OSBPL1A: variants seen among roughly 807,000 people sequenced by gnomAD.
OSBPL1A encodes oxysterol binding protein like 1A, also known as oxysterol-binding protein-related protein 1.
In OSBPL1A, 80 loss-of-function variants were observed where a neutral mutation model predicts 137.1. That is an observed-to-expected ratio of 0.58 (90% CI 0.49 to 0.70). The LOEUF (loss-of-function observed/expected upper bound fraction) is 0.70. Among genes scored for constraint, OSBPL1A ranks in the 30% least tolerant of loss-of-function variants. OSBPL1A has a pLI of 0.00. For missense variants in OSBPL1A, 970 were observed against 1,129.4 expected (o/e 0.86, Z 2.02); for synonymous variants, 365 against 389.7 (o/e 0.94, Z 0.75).
At chr18:24,355,266 G>A (rs2091513114) in intron 4 of OSBPL1A, among the ~76,000 whole-genome samples, 1 of 151,928 alleles carries the variant, frequency 6.6e-6, no homozygotes, top group African/African-American at 2.4e-5. Context: ...CACTTTGGGA[G>A]GCCGAGGCAG....
At chr18:24,367,049 A>T (rs1244090586) in intron 3 of OSBPL1A, 83 bp from the exon 4 acceptor site, 14 of 1,182,472 alleles carry the variant, frequency 1.2e-5, no homozygotes, top group Non-Finnish European at 1.4e-5. Flanking sequence ...GCCTTAAAAA[A>T]TTAAAATTGT....
intron 7 of OSBPL1A, among the ~76,000 whole-genome samples, chr18:24,328,036 CTTTTTT>C (rs10563779): frequency 1.0e-5 from 1 of 95,630 alleles, no homozygotes; most frequent in Admixed American, 1.3e-4. Context: ...AGAAATCACA[CTTTTTT>C]TTTTTTTTTT....
At chr18:24,288,002 G>T (rs1421815021) in intron 14 of OSBPL1A, among the ~76,000 whole-genome samples, 1 of 152,102 alleles carries the variant, frequency 6.6e-6, no homozygotes, top group Non-Finnish European at 1.5e-5. Flanking sequence ...ACCTTTGCTT[G>T]CTCTTTCTGT....
intron 4 of OSBPL1A, among the ~76,000 whole-genome samples, chr18:24,352,912 A>G (rs2091468076): frequency 6.6e-6 from 1 of 152,204 alleles, no homozygotes; most frequent in South Asian, 2.1e-4. Flanking sequence ...TACAAAAATT[A>G]ATTCAAGATG....
intron 17 of OSBPL1A, among the ~76,000 whole-genome samples, chr18:24,215,006 T>C (rs1031437013): frequency 2.0e-5 from 3 of 152,250 alleles, no homozygotes; most frequent in African/African-American, 7.2e-5. Flanking sequence ...TGCTTTTGAT[T>C]GCTTACCATC....
intron 22 of OSBPL1A, 114 bp downstream of exon 22, chr18:24,172,262 C>A (rs2086307034): frequency 2.6e-6 from 2 of 778,110 alleles, no homozygotes; most frequent in Admixed American, 5.0e-5. Context: ...CTTAAATTTT[C>A]ATCAGCCTGT....
intron 5 of OSBPL1A, among the ~76,000 whole-genome samples, chr18:24,338,158 T>C: frequency 6.6e-6 from 1 of 151,394 alleles, no homozygotes; most frequent in East Asian, 1.9e-4. Flanking sequence ...CTGCAACCTC[T>C]GCCTCTCGGG....
rs760114770 is a variant in OSBPL1A at position 24,162,777 on chromosome 18, C to A, written c.*402G>T. 1.3e-4 allele frequency: 21 copies of A among 162,264 alleles called. No homozygotes were observed. Among genetic ancestry groups the A allele is most frequent in the Non-Finnish European group, 1.7e-4 (13 of 75,038 alleles). The allele number at this position is 162,264 out of a possible 1,614,324, so 10.1% of individuals were successfully genotyped here. A position where few individuals can be genotyped will look rare whatever the true frequency, so the allele number is the denominator to read the frequency against. On this transcript the variant is annotated 3_prime_UTR_variant, in exon 28 of 28. Transcript: ENST00000319481. ...AGAGTTCTAAATATGTCAAAGGTTACATCTAAAACATTCAAGCATGACAGC... is the reference window on the plus strand; with the variant it reads ...AGAGTTCTAAATATGTCAAAGGTTAAATCTAAAACATTCAAGCATGACAGC...
At chr18:24,388,730 G>C (rs1907108728) in intron 1 of OSBPL1A, among the ~76,000 whole-genome samples, 1 of 149,922 alleles carries the variant, frequency 6.7e-6, no homozygotes, top group Non-Finnish European at 1.5e-5. Context: ...AACCCAGGAG[G>C]TGGAGGCTGC....
At chr18:24,255,779 T>TG (rs1479306273) in intron 15 of OSBPL1A, among the ~76,000 whole-genome samples, 1 of 130,940 alleles carries the variant, frequency 7.6e-6, no homozygotes, top group Admixed American at 7.4e-5. Flanking sequence ...TTTTTTGAGA[T>TG]GGAGTCTCGC....
At chr18:24,166,812 G>GT in intron 25 of OSBPL1A, 110 bp from the exon 26 acceptor site, 1 of 1,101,640 alleles carries the variant, frequency 9.1e-7, no homozygotes, top group Non-Finnish European at 1.3e-6. Flanking sequence ...CCCTTTCATG[G>GT]TAACAATGGT....
intron 15 of OSBPL1A, among the ~76,000 whole-genome samples, chr18:24,273,738 T>G (rs541055162): frequency 1.3e-5 from 2 of 152,202 alleles, no homozygotes; most frequent in African/African-American, 2.4e-5. Flanking sequence ...TGATACAATA[T>G]GATAAATGCT....
intron 9 of OSBPL1A, 111 bp downstream of exon 9, chr18:24,318,490 C>T (rs2090778083): frequency 3.3e-5 from 30 of 900,142 alleles, no homozygotes; most frequent in Non-Finnish European, 4.7e-5. Context: ...GATCCAAGAG[C>T]GATTAAATCA....
At chr18:24,250,218 C>T (rs1364855572) in intron 15 of OSBPL1A, among the ~76,000 whole-genome samples, 1 of 147,872 alleles carries the variant, frequency 6.8e-6, no homozygotes, top group Non-Finnish European at 1.5e-5. Flanking sequence ...ACTCCGTCGC[C>T]CAGACTGGAG....
At chr18:24,351,172 AC>A (rs1320851867) in intron 4 of OSBPL1A, among the ~76,000 whole-genome samples, 2 of 151,592 alleles carry the variant, frequency 1.3e-5, no homozygotes, top group Non-Finnish European at 2.9e-5. Context: ...ACATGGTAAA[AC>A]CCTGTCTCTA....
intron 15 of OSBPL1A, among the ~76,000 whole-genome samples, chr18:24,255,796 G>A (rs765254154): frequency 1.5e-5 from 2 of 136,696 alleles, no homozygotes; most frequent in Admixed American, 7.9e-5. Context: ...TCGCTCTCTC[G>A]CCCAGGCTGG....
At chr18:24,227,961 C>G (rs1203744916) in intron 16 of OSBPL1A, among the ~76,000 whole-genome samples, 3 of 152,114 alleles carry the variant, frequency 2.0e-5, no homozygotes, top group Non-Finnish European at 4.4e-5. Context: ...AATCATAAGG[C>G]AGGGACTTAC....
rs536410702 is a variant in OSBPL1A at position 24,163,118 on chromosome 18, T to G, written c.*61A>C. 7.6e-7 allele frequency: 1 copy of G among 1,313,682 alleles called. No individual in the cohort carries two copies. 81.4% of individuals were successfully genotyped at this position (1,313,682 alleles called of 1,614,324 possible). ...TAAGTAGAAACCAAGGGAAAAAAAT[T>G]TAAAAACATAGGTTTAAGACTTATT... On this transcript the variant is annotated 3_prime_UTR_variant, in exon 28 of 28. Coordinates refer to ENST00000319481, the MANE Select transcript of OSBPL1A (RefSeq NM_080597.4).
intron 13 of OSBPL1A, among the ~76,000 whole-genome samples, chr18:24,307,580 A>T (rs954472289): frequency 2.0e-5 from 3 of 152,176 alleles, no homozygotes; most frequent in African/African-American, 7.2e-5. Flanking sequence ...ATATGTGTAC[A>T]TCCCTGTTTT....
Sources: gnomAD v4.1 joint callset for allele counts (sites outside exome capture counted in the v4.1 genomes callset) on GRCh38, gnomAD v4.1.1 for gene constraint, MANE v1.5 for transcripts, NCBI Gene and HGNC (gene_info 2026-07-23, HGNC 2026-07-21) for gene names.